TVP23C: variants seen among roughly 807,000 people sequenced by gnomAD.
TVP23C encodes Golgi apparatus membrane protein TVP23 homolog C.
A neutral mutation model predicts 28.7 loss-of-function variants in TVP23C; 19 were observed. The ratio of observed to expected loss-of-function variants is 0.66; its 90% confidence interval spans 0.46 to 0.97. The LOEUF (loss-of-function observed/expected upper bound fraction) is 0.97, where lower values mean the gene tolerates loss of function less well. TVP23C is among the 50% of genes least tolerant of loss of function. The probability of loss-of-function intolerance (pLI) is 0.00; values close to 1 mark genes in which losing one functional copy is unlikely to be tolerated. For synonymous variants in TVP23C, 68 were observed against 81.7 expected, an observed-to-expected ratio of 0.83 and a Z score of 0.90; for missense variants, 186 against 241.3, an observed-to-expected ratio of 0.77 and a Z score of 1.52.
At chr17:15,506,450 TCAGCGCCCTGACAAAA>T (rs571733870) in intron 5 of TVP23C, among the ~76,000 whole-genome samples, 1 of 152,220 alleles carries the variant, frequency 6.6e-6, no homozygotes, top group Non-Finnish European at 1.5e-5. Context: ...AACGCACCAG[TCAGCGCCCTGACAAAA>T]CAGGCCACTG....
At chr17:15,503,469 C>G in intron 5 of TVP23C, 1 of 412,192 alleles carries the variant, frequency 2.4e-6, no homozygotes, top group Non-Finnish European at 4.3e-6. Flanking sequence ...TAGACATGAA[C>G]AGTGAAGGGG....
At chr17:15,510,172 G>C (rs1377370322) in intron 5 of TVP23C, among the ~76,000 whole-genome samples, 1 of 152,188 alleles carries the variant, frequency 6.6e-6, no homozygotes, top group Non-Finnish European at 1.5e-5. Flanking sequence ...GTTTCTGTTT[G>C]CTTTTTTCGG....
At chr17:15,505,697 G>A (rs1981694321) in intron 5 of TVP23C, among the ~76,000 whole-genome samples, 1 of 152,228 alleles carries the variant, frequency 6.6e-6, no homozygotes, top group African/African-American at 2.4e-5. Flanking sequence ...AGGTGTGGAG[G>A]GAGAGGGGCG....
intron 5 of TVP23C, chr17:15,503,398 A>T: frequency 1.2e-6 from 1 of 855,112 alleles, no homozygotes; most frequent in South Asian, 2.1e-5. Context: ...GAGCAAGACC[A>T]TGATATTTCA....
chr17:15,526,329 A>C, intron 5 of TVP23C, among the ~76,000 whole-genome samples: 1 of 152,154 alleles, frequency 6.6e-6, no homozygotes, highest in Non-Finnish European at 1.5e-5. Context: ...CTCACCATTG[A>C]CAAGTCCTGG....
chr17:15,528,496 G>A (rs952293884), intron 5 of TVP23C, among the ~76,000 whole-genome samples: 2 of 152,042 alleles, frequency 1.3e-5, no homozygotes, highest in African/African-American at 2.4e-5. Flanking sequence ...TAAATTTATT[G>A]AAGCCTGTTT....
rs1018751493 is a variant in TVP23C, at chr17:15,538,662, G to C, written c.*1750C>G. 1.0e-6 allele frequency: 1 copy of C among 985,232 alleles called. No individual in the cohort carries two copies. Among genetic ancestry groups the C allele is most frequent in the African/African-American group, 1.7e-5 (1 of 57,214 alleles). 61.0% of individuals were successfully genotyped at this position (985,232 alleles called of 1,614,324 possible). On this transcript the variant is annotated 3_prime_UTR_variant, in exon 6 of 6. Coordinates refer to ENST00000518321, the MANE Select transcript of TVP23C (RefSeq NM_001135036.2). ...ATCCATGGATACCATCATCCACCCA[G>C]CTGTCCAGTTTGTCTCATTTGAGCA...
chr17:15,516,022 AC>A, intron 5 of TVP23C, among the ~76,000 whole-genome samples: 1 of 152,224 alleles, frequency 6.6e-6, no homozygotes, highest in Non-Finnish European at 1.5e-5. Context: ...GCCAGGTAAG[AC>A]GCGTGCTCCC....
chr17:15,533,355 T>C (rs570182845), downstream of TVP23C, among the ~76,000 whole-genome samples: 24 of 152,292 alleles, frequency 1.6e-4, 1 homozygote, highest in South Asian at 5.0e-3. Context: ...CCACTACAAA[T>C]GCAGACTACT....
intron 5 of TVP23C, among the ~76,000 whole-genome samples, chr17:15,519,051 T>G (rs1243649973): frequency 2.0e-5 from 3 of 152,128 alleles, no homozygotes; most frequent in Non-Finnish European, 4.4e-5. Context: ...TTGCTTTCCC[T>G]TCACCTACCA....
chr17:15,505,046 T>C (rs1422007321), intron 5 of TVP23C, among the ~76,000 whole-genome samples: 1 of 152,140 alleles, frequency 6.6e-6, no homozygotes, highest in Non-Finnish European at 1.5e-5. Flanking sequence ...AGTTATATAC[T>C]GATTACACAT....
chr17:15,529,924 G>T (rs992708890), intron 5 of TVP23C, among the ~76,000 whole-genome samples: 18 of 152,096 alleles, frequency 1.2e-4, no homozygotes, highest in African/African-American at 4.1e-4. Flanking sequence ...TCAGCCTCCA[G>T]AGTAGTTGGG....
At chr17:15,519,217 G>T (rs1281141530) in intron 5 of TVP23C, among the ~76,000 whole-genome samples, 1 of 152,034 alleles carries the variant, frequency 6.6e-6, no homozygotes, top group Admixed American at 6.6e-5. Context: ...AGAAGCACCT[G>T]GTATCCACAT....
At chr17:15,553,582 G>A in intron 3 of TVP23C, 103 bp downstream of exon 3, 4 of 1,423,260 alleles carry the variant, frequency 2.8e-6, no homozygotes, top group Non-Finnish European at 3.8e-6. Flanking sequence ...CACAGATGAG[G>A]TTTGAAGTAA....
In TVP23C at chr17:15,537,748, A is replaced by T. The variant is rs1327801312; in HGVS notation, c.*2664T>A. 1 of 1,017,886 alleles carries T rather than the reference A, an allele frequency of 9.8e-7. No homozygotes were observed. Among genetic ancestry groups the T allele is most frequent in the Admixed American group, 5.7e-5 (1 of 17,580 alleles). The allele number at this position is 1,017,886 out of a possible 1,614,324, so 63.1% of individuals were successfully genotyped here. A position where few individuals can be genotyped will look rare whatever the true frequency, so the allele number is the denominator to read the frequency against. ...TAATATGTAAACATATAGAGCTTTGAGACAGACTAAGAACATCCTCCTATG... is the reference window on the plus strand; with the variant it reads ...TAATATGTAAACATATAGAGCTTTGTGACAGACTAAGAACATCCTCCTATG... On this transcript the variant is annotated 3_prime_UTR_variant, in exon 6 of 6. Coordinates refer to ENST00000518321, the MANE Select transcript of TVP23C (RefSeq NM_001135036.2).
chr17:15,563,162 G>A (rs1597555619), intron 1 of TVP23C: 1 of 526,632 alleles, frequency 1.9e-6, no homozygotes, highest in East Asian at 3.2e-5. Flanking sequence ...TAAGGGTTGA[G>A]GAAAGAGAGA....
At chr17:15,551,177 C>T (rs1018060444) in intron 3 of TVP23C, among the ~76,000 whole-genome samples, 3 of 151,204 alleles carry the variant, frequency 2.0e-5, no homozygotes, top group South Asian at 2.1e-4. Flanking sequence ...AGTGCAGTGG[C>T]GCGATCTCGG....
intron 4 of TVP23C, among the ~76,000 whole-genome samples, chr17:15,546,834 A>G (rs1324219231): frequency 1.3e-5 from 2 of 151,740 alleles, no homozygotes; most frequent in African/African-American, 4.8e-5. Context: ...ATGAACTCAG[A>G]CCCAGTGTCT....
At chr17:15,513,038 A>G (rs1982068047) in intron 5 of TVP23C, among the ~76,000 whole-genome samples, 1 of 152,204 alleles carries the variant, frequency 6.6e-6, no homozygotes, top group Non-Finnish European at 1.5e-5. Flanking sequence ...TCTAACGGCC[A>G]TAAACACAGT....
Sources: gnomAD v4.1 joint callset for allele counts (sites outside exome capture counted in the v4.1 genomes callset) on GRCh38, gnomAD v4.1.1 for gene constraint, MANE v1.5 for transcripts, NCBI Gene and HGNC (gene_info 2026-07-23, HGNC 2026-07-21) for gene names.